The following CHD4 variants were observed in gnomAD, a reference collection of about 807,000 sequenced individuals.
CHD4 encodes the protein chromodomain helicase DNA binding protein 4.
A neutral mutation model predicts 235.5 loss-of-function variants in CHD4; 35 were observed. The observed-to-expected ratio is 0.15, with a 90% confidence interval of 0.11 to 0.20. The LOEUF is 0.20. CHD4 is among the 10% of genes least tolerant of loss of function. The pLI, the probability that CHD4 is intolerant of heterozygous loss-of-function variation, is 1.00. For missense variants in CHD4, 1,329 were observed against 2,432.3 expected (o/e 0.55, Z 9.54); for synonymous variants, 900 against 850.2 (o/e 1.06, Z -1.02).
intron 13 of CHD4, among the ~76,000 whole-genome samples, 156 bp downstream of exon 13, chr12:6,595,850 C>G (rs1948483647): frequency 6.7e-6 from 1 of 149,982 alleles, no homozygotes; most frequent in Non-Finnish European, 1.5e-5. Context: ...CCCAGCTACT[C>G]AGGAGGCTAA....
chr12:6,592,847 C>G (rs774203277), intron 17 of CHD4, 30 bp from the exon 18 acceptor site: 56 of 1,598,682 alleles, frequency 3.5e-5, no homozygotes, highest in Non-Finnish European at 4.7e-5. Flanking sequence ...AAGGTGAAAT[C>G]CAATGAAAAC....
intron 29 of CHD4, 59 bp from the exon 30 acceptor site, chr12:6,582,340 T>C: frequency 6.6e-7 from 1 of 1,504,490 alleles, no homozygotes. Context: ...TAGATTCTTT[T>C]CCATCCCTTC....
chr12:6,606,457 C>T lies in CHD4; in HGVS notation c.-78-6G>A, dbSNP rs1014660993. 1.1e-5 allele frequency: 8 copies of T among 724,136 alleles called. No homozygotes were observed. The highest frequency in any genetic ancestry group is 3.7e-5 in the African/African-American group (2 of 53,474). 44.9% of individuals were successfully genotyped at this position (724,136 alleles called of 1,614,324 possible). A position where few individuals can be genotyped will look rare whatever the true frequency, so the allele number is the denominator to read the frequency against. On this transcript the variant is annotated splice_polypyrimidine_tract_variant and splice_region_variant and intron_variant, in intron 1 of 39. Transcript: ENST00000544040. ...CTCTACACTGGCCCGAGTCACTGTG[C>T]GGGGGAGGGGGGAGAAACACAGAAC...
At chr12:6,580,716 A>AAAAAACAAAAC (rs1457844598) in intron 33 of CHD4, 3 of 226,872 alleles carry the variant, frequency 1.3e-5, no homozygotes, top group African/African-American at 2.8e-5. Flanking sequence ...AAAAAAAAAA[A>AAAAAACAAAAC]AAAAAAAAAA....
chr12:6,588,515 T>C (rs190147663), intron 22 of CHD4, 93 bp from the exon 23 acceptor site: 38 of 1,429,996 alleles, frequency 2.7e-5, no homozygotes, highest in Non-Finnish European at 2.4e-5. Flanking sequence ...CAGTGGCTCA[T>C]GCCTGTAATC....
At chr12:6,588,060 A>T (rs140310453) in intron 23 of CHD4, 111 bp from the exon 24 acceptor site, 2 of 1,234,926 alleles carry the variant, frequency 1.6e-6, no homozygotes, top group African/African-American at 3.0e-5. Flanking sequence ...CACAGCCTAC[A>T]TTCATAGGAA....
intron 8 of CHD4, 54 bp from the exon 9 acceptor site, chr12:6,600,449 C>T (rs1948568864): frequency 1.2e-6 from 2 of 1,600,034 alleles, no homozygotes; most frequent in Admixed American, 1.7e-5. Context: ...CCTCCCCCCA[C>T]CCCCCGACCC....
At chr12:6,605,371 A>G (rs1307648469) in intron 2 of CHD4, among the ~76,000 whole-genome samples, 1 of 152,198 alleles carries the variant, frequency 6.6e-6, no homozygotes, top group East Asian at 1.9e-4. Flanking sequence ...CACAGAAGAG[A>G]AAGACATCTG....
At chr12:6,605,359 G>C (rs565301076) in intron 2 of CHD4, among the ~76,000 whole-genome samples, 1 of 152,238 alleles carries the variant, frequency 6.6e-6, no homozygotes, top group African/African-American at 2.4e-5. Flanking sequence ...TCTGAAAAAG[G>C]ACACAGAAGA....
chr12:6,583,409 G>A, intron 25 of CHD4, 31 bp from the exon 26 acceptor site: 2 of 1,572,638 alleles, frequency 1.3e-6, no homozygotes, highest in Non-Finnish European at 1.7e-6. Flanking sequence ...GGACTCAGGA[G>A]TGCTGAAGTC....
chr12:6,588,684 A>G (rs1317687613), intron 22 of CHD4, among the ~76,000 whole-genome samples: 1 of 152,020 alleles, frequency 6.6e-6, no homozygotes, highest in African/African-American at 2.4e-5. Context: ...AGACTGAGGC[A>G]GGAGAACCGC....
At chr12:6,590,473 G>C (rs1459045530) in intron 22 of CHD4, among the ~76,000 whole-genome samples, 1 of 151,940 alleles carries the variant, frequency 6.6e-6, no homozygotes, top group African/African-American at 2.4e-5. Context: ...CTGCTGTTTT[G>C]CAACTTTTTT....
At chr12:6,595,457 G>T in intron 13 of CHD4, 27 bp from the exon 14 acceptor site, 1 of 1,595,312 alleles carries the variant, frequency 6.3e-7, no homozygotes, top group Non-Finnish European at 8.6e-7. Flanking sequence ...TCACACAGCT[G>T]CCCAAAATCC....
At chr12:6,591,147 A>AC (rs1265582274) in intron 22 of CHD4, 29 of 185,670 alleles carry the variant, frequency 1.6e-4, no homozygotes, top group South Asian at 3.7e-4. Context: ...AAAAAAAAAA[A>AC]AAAACCTAGT....
rs1289802988 is a variant in CHD4 at position 6,570,987 on chromosome 12, A to G, written c.5603T>C (p.Val1868Ala). The G allele has an allele frequency of 6.2e-7, 1 of 1,614,072 alleles. No homozygotes were observed. The highest frequency in any genetic ancestry group is 8.5e-7 in the Non-Finnish European group (1 of 1,180,050). ...EELLSDMKAD[V>A]TRLPATIARI... ...GGCAATGGTAGCTGGGAGTCGAGTC[A>G]CATCAGCTTTCATGTCACTCAGCAG... The change falls in exon 39 of 40, where the codon GTG becomes GCG. Residue 1868 changes from valine (V) to alanine (A), a missense_variant. By Grantham distance (64) the Val-to-Ala change is moderately conservative. Transcript: ENST00000544040.
Position 6,596,053 on chromosome 12 carries a change from C to G in CHD4, c.1977G>C (p.Val659=). ...YDQASWESED[V]EIQDYDLFKQ... ...TGAACAGGTCGTAATCCTGGATCTC[C>G]ACATCCTCACTCTCCCAAGAAGCCT... Residue 659 remains valine (V), a synonymous_variant, in exon 13 of 40, where the codon GTG becomes GTC. Transcript: ENST00000544040. 3 of 1,613,996 alleles carry G rather than the reference C, an allele frequency of 1.9e-6. No homozygotes were observed. In the South Asian group the frequency reaches 3.3e-5, roughly 18 times the overall value.
chr12:6,572,665 C>T (rs573763646), intron 38 of CHD4, among the ~76,000 whole-genome samples: 1 of 152,200 alleles, frequency 6.6e-6, no homozygotes, highest in East Asian at 1.9e-4. Flanking sequence ...CCAAGCGATT[C>T]TCCTGCCTCA....
Position 6,591,473 on chromosome 12 carries a change from G to A in CHD4, c.3333C>T (p.Arg1111=). ...CAACTCCTTCTCTCTCACCATTGAA[G>A]CGGTCAATGGCCTCTTGCCGCATGT... ...TGNMRQEAID[R]FNAPGAQQFC... Residue 1111 remains arginine, a synonymous_variant, in exon 22 of 40, where the codon CGC becomes CGT. Transcript: ENST00000544040. The A allele has an allele frequency of 6.2e-7, 1 of 1,611,590 alleles. No homozygotes were observed. Among genetic ancestry groups the A allele is most frequent in the Non-Finnish European group, 8.5e-7 (1 of 1,177,750 alleles).
chr12:6,578,491 G>C lies in CHD4; in HGVS notation c.5037C>G (p.Thr1679=). 6 of 1,613,616 alleles carry C rather than the reference G, an allele frequency of 3.7e-6. No homozygotes were observed. Among genetic ancestry groups the C allele is most frequent in the Non-Finnish European group, 5.1e-6 (6 of 1,179,926 alleles). ...KKEVMLQNGE[T]PKDLNDEKQK... ...GTTTCTCATCATTCAGGTCCTTGGGGGTCTCTCCATTCTGAAGCATCACCT... is the reference window on the plus strand; with the variant it reads ...GTTTCTCATCATTCAGGTCCTTGGGCGTCTCTCCATTCTGAAGCATCACCT... The change falls in exon 35 of 40, where the codon ACC becomes ACG. Residue 1679 remains threonine (T), a synonymous_variant. Transcript: ENST00000544040.
Sources: allele counts gnomAD v4.1 joint callset (sites outside exome capture counted in the v4.1 genomes callset), GRCh38; gene constraint gnomAD v4.1.1; transcripts MANE v1.5; gene names NCBI Gene and HGNC (gene_info 2026-07-23, HGNC 2026-07-21).